Variants in RGS9 observed in about 807,000 individuals in gnomAD.
RGS9 encodes the protein regulator of G-protein signalling 9.
Under a neutral mutation model 102.0 loss-of-function variants are expected in RGS9, and 78 were observed. The observed-to-expected ratio is 0.76, with a 90% CI of 0.64 to 0.92. The LOEUF (loss-of-function observed/expected upper bound fraction) is 0.92, where lower values mean the gene tolerates loss of function less well. Ranked by LOEUF, RGS9 falls within the 40% of genes least tolerant of loss-of-function variation. RGS9 has a pLI of 0.00. For missense variants in RGS9, 833 were observed against 866.1 expected (o/e 0.96, Z 0.48); for synonymous variants, 353 against 318.6 (o/e 1.11, Z -1.15).
At chr17:65,188,257 C>T (rs974717297) in intron 9 of RGS9, among the ~76,000 whole-genome samples, 2 of 152,196 alleles carry the variant, frequency 1.3e-5, no homozygotes, top group African/African-American at 4.8e-5. Context: ...GAACATGAAG[C>T]CCCTCTTGGA....
At chr17:65,181,954 A>T (rs1465237522) in intron 9 of RGS9, among the ~76,000 whole-genome samples, 1 of 152,116 alleles carries the variant, frequency 6.6e-6, no homozygotes, top group African/African-American at 2.4e-5. Flanking sequence ...GGACTTGTAG[A>T]CCTCAGACTC....
chr17:65,174,344 T>G (rs1176316395), intron 8 of RGS9, among the ~76,000 whole-genome samples: 1 of 152,200 alleles, frequency 6.6e-6, no homozygotes, highest in Non-Finnish European at 1.5e-5. Context: ...TTGTAGGGCA[T>G]CATGAGCACA....
At chr17:65,205,749 GT>G (rs1250311108) in intron 15 of RGS9, among the ~76,000 whole-genome samples, 5 of 151,700 alleles carry the variant, frequency 3.3e-5, no homozygotes, top group African/African-American at 1.2e-4. Context: ...TGTGATATAG[GT>G]TATATGATAT....
At chr17:65,168,530 T>C (rs1911284743) in intron 8 of RGS9, among the ~76,000 whole-genome samples, 1 of 150,690 alleles carries the variant, frequency 6.6e-6, no homozygotes, top group South Asian at 2.1e-4. Context: ...AATTTGTCTT[T>C]TACGAGGGCT....
intron 7 of RGS9, among the ~76,000 whole-genome samples, chr17:65,165,832 C>T (rs1192461855): frequency 6.6e-6 from 1 of 152,168 alleles, no homozygotes; most frequent in Non-Finnish European, 1.5e-5. Flanking sequence ...AGAGGCTTTT[C>T]TGATTAGCTG....
At chr17:65,168,916 C>G (rs1282675469) in intron 8 of RGS9, among the ~76,000 whole-genome samples, 3 of 152,178 alleles carry the variant, frequency 2.0e-5, no homozygotes, top group Admixed American at 6.5e-5. Context: ...CCCCAGCACA[C>G]AGAAGTGGGG....
intron 12 of RGS9, among the ~76,000 whole-genome samples, chr17:65,194,174 T>C (rs1327122208): frequency 2.6e-5 from 4 of 152,214 alleles, no homozygotes; most frequent in Non-Finnish European, 1.5e-5. Context: ...GCGACGAGCT[T>C]TTTTCACTTA....
At chr17:65,220,595 G>A (rs1234548282) in intron 17 of RGS9, among the ~76,000 whole-genome samples, 7 of 152,126 alleles carry the variant, frequency 4.6e-5, no homozygotes, top group African/African-American at 1.7e-4. Flanking sequence ...GGGGAGAGTG[G>A]GAAGGCACTG....
chr17:65,171,222 G>A (rs1275255603), intron 8 of RGS9, among the ~76,000 whole-genome samples: 1 of 152,196 alleles, frequency 6.6e-6, no homozygotes, highest in African/African-American at 2.4e-5. Flanking sequence ...CCTTGACTTT[G>A]TCCCAGGGAA....
chr17:65,145,439 C>T (rs890546836), intron 1 of RGS9, among the ~76,000 whole-genome samples: 4 of 151,254 alleles, frequency 2.6e-5, no homozygotes, highest in East Asian at 1.9e-4. Context: ...ACCAGGCTGG[C>T]GTGCAGTGGC....
At chr17:65,191,699 A>C (rs1392969614) in intron 11 of RGS9, among the ~76,000 whole-genome samples, 1 of 152,184 alleles carries the variant, frequency 6.6e-6, no homozygotes, top group Non-Finnish European at 1.5e-5. Flanking sequence ...GTGAGCTGAG[A>C]TAGCGCCACT....
intron 1 of RGS9, among the ~76,000 whole-genome samples, chr17:65,150,050 G>A (rs1300907672): frequency 1.3e-5 from 2 of 152,226 alleles, no homozygotes; most frequent in African/African-American, 2.4e-5. Context: ...GCTAAATGGA[G>A]GGGAAGCAGG....
At chr17:65,139,935 G>A (rs1910091432) in intron 1 of RGS9, among the ~76,000 whole-genome samples, 1 of 152,198 alleles carries the variant, frequency 6.6e-6, no homozygotes, top group Non-Finnish European at 1.5e-5. Flanking sequence ...CAGCTTTCTG[G>A]AGAAGGGCCT....
chr17:65,145,874 A>C (rs1204038530), intron 1 of RGS9, among the ~76,000 whole-genome samples: 2 of 123,866 alleles, frequency 1.6e-5, no homozygotes, highest in Non-Finnish European at 3.1e-5. Flanking sequence ...GAAAGGTCTG[A>C]GGAAAAAGGA....
intron 14 of RGS9, among the ~76,000 whole-genome samples, chr17:65,203,095 G>A (rs555546106): frequency 6.6e-6 from 1 of 152,250 alleles, no homozygotes; most frequent in Non-Finnish European, 1.5e-5. Flanking sequence ...TCTGGACCCT[G>A]GATGTCCTTC....
At chr17:65,174,830 A>T (rs1363855303) in intron 8 of RGS9, among the ~76,000 whole-genome samples, 1 of 152,204 alleles carries the variant, frequency 6.6e-6, no homozygotes, top group African/African-American at 2.4e-5. Context: ...GAAACTTACA[A>T]TCATGGCGGA....
intron 9 of RGS9, among the ~76,000 whole-genome samples, chr17:65,181,151 T>C (rs1336844115): frequency 6.6e-6 from 1 of 152,244 alleles, no homozygotes; most frequent in East Asian, 1.9e-4. Flanking sequence ...TATATCCCTT[T>C]GGGTATATAC....
At chr17:65,171,722 G>A (rs1038587331) in intron 8 of RGS9, among the ~76,000 whole-genome samples, 1 of 152,266 alleles carries the variant, frequency 6.6e-6, no homozygotes, top group African/African-American at 2.4e-5. Context: ...CCTACCCAGA[G>A]CCCAAAGGAC....
chr17:65,159,176 G>C (rs1331313116), intron 3 of RGS9, among the ~76,000 whole-genome samples: 5 of 146,890 alleles, frequency 3.4e-5, no homozygotes, highest in African/African-American at 1.3e-4. Flanking sequence ...GCCCGCCAGA[G>C]AACAACCCCC....
Sources: allele counts gnomAD v4.1 joint callset (sites outside exome capture counted in the v4.1 genomes callset), GRCh38; gene constraint gnomAD v4.1.1; transcripts MANE v1.5; gene names NCBI Gene and HGNC (gene_info 2026-07-23, HGNC 2026-07-21).